The following CD9 variants were observed in gnomAD, a reference collection of about 807,000 sequenced individuals.
CD9 encodes the protein CD9 antigen.
A neutral mutation model predicts 31.4 loss-of-function variants in CD9; 10 were observed. The observed-to-expected ratio is 0.32, with a 90% CI of 0.20 to 0.54. The LOEUF (loss-of-function observed/expected upper bound fraction) is 0.54, where lower values mean the gene tolerates loss of function less well. Among genes scored for constraint, CD9 ranks in the 20% least tolerant of loss-of-function variants. The pLI is 0.94. For synonymous variants in CD9, 113 were observed against 114.1 expected (o/e 0.99, Z 0.06); for missense variants, 259 against 300.1 (o/e 0.86, Z 1.01).
intron 1 of CD9, 28 bp downstream of exon 1, chr12:6,200,593 C>T (rs776196354): frequency 1.3e-6 from 2 of 1,518,602 alleles, no homozygotes; most frequent in East Asian, 2.3e-5. Flanking sequence ...CCGCGCGCTC[C>T]TCTCAGGGCC....
rs149361880 is a variant in CD9 at position 6,236,160 on chromosome 12, G to A, written c.538-32G>A. ...GAGGTGCCCTGGGAGGAAGGATTGT[G>A]TGTGACCCAGGTCTTGGTTTGTCTC... On this transcript the variant is annotated intron_variant, in intron 6 of 7. Coordinates refer to ENST00000009180, the MANE Select transcript of CD9 (RefSeq NM_001769.4). 3,335 of 1,613,436 alleles carry A rather than the reference G, an allele frequency of 2.1e-3. 2 individuals carry two copies. Among genetic ancestry groups the A allele is most frequent in the Middle Eastern group, 5.4e-3 (33 of 6,060 alleles).
At chr12:6,216,738 GACTCCCACAC>G (rs1946246874) in intron 1 of CD9, among the ~76,000 whole-genome samples, 1 of 152,102 alleles carries the variant, frequency 6.6e-6, no homozygotes, top group Non-Finnish European at 1.5e-5. Context: ...CGCTCACACA[GACTCCCACAC>G]AAACCAGGAA....
chr12:6,236,010 TAGCCATC>T, intron 6 of CD9, 175 bp from the exon 7 acceptor site: 1 of 1,431,294 alleles, frequency 7.0e-7, no homozygotes, highest in East Asian at 2.5e-5. Flanking sequence ...TCCACTAGCA[TAGCCATC>T]CCTTTGTTCC....
At chr12:6,233,139 C>A in intron 3 of CD9, 1 of 687,404 alleles carries the variant, frequency 1.5e-6, no homozygotes, top group South Asian at 1.5e-5. Context: ...CTCACTGACT[C>A]TTAACTAACG....
intron 3 of CD9, chr12:6,233,115 A>G (rs985548663): frequency 1.4e-6 from 1 of 698,752 alleles, no homozygotes; most frequent in Non-Finnish European, 2.6e-6. Flanking sequence ...TTTGTGAACA[A>G]TAGTAGTTGC....
chr12:6,234,923 A>G (rs1405788964), intron 4 of CD9, among the ~76,000 whole-genome samples: 2 of 152,360 alleles, frequency 1.3e-5, no homozygotes, highest in East Asian at 1.9e-4. Flanking sequence ...ATCATCCTCT[A>G]GATCATAGAG....
rs533124520 is a variant in CD9 at position 6,210,361 on chromosome 12, G to A, written c.66+9796G>A. On this transcript the variant is annotated intron_variant, in intron 1 of 7. Transcript: ENST00000009180. ...GCCCTGGAGAGTCCCTTCCCAGAGC[G>A]CCGCCTCTGTCCACCCTGACTATAT... Among the ~76,000 whole-genome samples, 91 of 152,324 alleles carry A rather than the reference G, an allele frequency of 6.0e-4. 2 individuals carry two copies. In the South Asian group the frequency reaches 0.017, roughly 28 times the overall value.
At chr12:6,234,251 T>C (rs1431477383) in intron 4 of CD9, 1 of 151,764 alleles carries the variant, frequency 6.6e-6, no homozygotes, top group African/African-American at 2.4e-5. Flanking sequence ...AGTAGTGTTT[T>C]TGGAAGGGCT....
intron 1 of CD9, among the ~76,000 whole-genome samples, chr12:6,214,116 T>C (rs977893420): frequency 6.6e-6 from 1 of 152,156 alleles, no homozygotes; most frequent in Non-Finnish European, 1.5e-5. Context: ...CCATCTGAGC[T>C]CTGCCTCTTC....
intron 1 of CD9, among the ~76,000 whole-genome samples, chr12:6,214,131 C>G (rs1344502609): frequency 6.6e-6 from 1 of 152,088 alleles, no homozygotes; most frequent in African/African-American, 2.4e-5. Flanking sequence ...CTCTTCCTGG[C>G]TGTGTCTTTT....
chr12:6,223,178 A>T (rs967327467), intron 1 of CD9, among the ~76,000 whole-genome samples: 5 of 152,086 alleles, frequency 3.3e-5, no homozygotes, highest in Admixed American at 3.3e-4. Flanking sequence ...CCAGGAGGCC[A>T]GCAGCTTCAG....
chr12:6,212,543 C>G (rs941861002), intron 1 of CD9, among the ~76,000 whole-genome samples: 1 of 152,196 alleles, frequency 6.6e-6, no homozygotes, highest in African/African-American at 2.4e-5. Context: ...GCCACCTTCA[C>G]CCTTCCACCC....
At chr12:6,200,372 T>C, upstream of CD9, 1 of 599,312 alleles carries the variant, frequency 1.7e-6, no homozygotes, top group Non-Finnish European at 3.1e-6. Flanking sequence ...GTGGCACTTT[T>C]TAAAAGTGCA....
At chr12:6,209,043 A>G (rs1238874701) in intron 1 of CD9, among the ~76,000 whole-genome samples, 10 of 151,954 alleles carry the variant, frequency 6.6e-5, no homozygotes, top group Non-Finnish European at 1.5e-5. Context: ...ATCTTGGCAT[A>G]CTGCAACCTC....
chr12:6,230,696 C>T (rs968491735), intron 2 of CD9, among the ~76,000 whole-genome samples: 4 of 152,210 alleles, frequency 2.6e-5, no homozygotes, highest in Non-Finnish European at 4.4e-5. Flanking sequence ...GTGCTCCATG[C>T]ATGGGGCTGC....
At position 6,232,259 on chromosome 12, in the gene CD9, A is replaced by T; in HGVS notation, c.176-373A>T. On this transcript the variant is annotated intron_variant, in intron 2 of 7. Transcript: ENST00000009180. The surrounding 1 kb of genome is among the most constrained non-coding windows in gnomAD (Gnocchi z 4.8). ...AGAGTGTGGAAGGTATATGCTAACTAGCTTGAGTGGATTCATCTTGCTGGA... is the reference window on the plus strand; with the variant it reads ...AGAGTGTGGAAGGTATATGCTAACTTGCTTGAGTGGATTCATCTTGCTGGA... The T allele has an allele frequency of 3.0e-6, 1 of 335,846 alleles. No homozygotes were observed. The highest frequency in any genetic ancestry group is 2.5e-5 in the South Asian group (1 of 39,788). The allele number at this position is 335,846 out of a possible 1,614,324, so 20.8% of individuals were successfully genotyped here.
intron 2 of CD9, chr12:6,226,235 C>T (rs1043248523): frequency 6.6e-6 from 1 of 152,170 alleles, no homozygotes; most frequent in African/African-American, 2.4e-5. Flanking sequence ...CCATTCTATC[C>T]CTCTCGTTGC....
At chr12:6,229,756 A>C (rs952491669) in intron 2 of CD9, among the ~76,000 whole-genome samples, 1 of 151,402 alleles carries the variant, frequency 6.6e-6, no homozygotes, top group African/African-American at 2.4e-5. Flanking sequence ...ACAGTGAAAA[A>C]CACTGTTCCA....
At chr12:6,217,857 G>A (rs1457062360) in intron 1 of CD9, among the ~76,000 whole-genome samples, 2 of 152,190 alleles carry the variant, frequency 1.3e-5, no homozygotes, top group Non-Finnish European at 2.9e-5. Flanking sequence ...ATCACTGTGA[G>A]CAATGATCTG....
Sources: allele counts gnomAD v4.1 joint callset (sites outside exome capture counted in the v4.1 genomes callset), GRCh38; gene constraint gnomAD v4.1.1; non-coding constraint Gnocchi (gnomAD v3.1); transcripts MANE v1.5; gene names NCBI Gene and HGNC (gene_info 2026-07-23, HGNC 2026-07-21).